Variants in XPNPEP2 observed in about 807,000 individuals in gnomAD.
The protein encoded by XPNPEP2 is xaa-Pro aminopeptidase 2.
Under a neutral mutation model 59.8 loss-of-function variants are expected in XPNPEP2, and 64 were observed. That is an observed-to-expected ratio of 1.07 (90% CI 0.87 to 1.32). XPNPEP2 has a LOEUF of 1.32. Among genes scored for constraint, XPNPEP2 ranks in the 40% most tolerant of loss-of-function variants. The pLI is 0.00. For missense variants in XPNPEP2, 575 were observed against 546.8 expected (o/e 1.05, Z -0.51); for synonymous variants, 235 against 210.0 (o/e 1.12, Z -1.03).
In XPNPEP2 at chrX:129,744,080, C is replaced by G. The variant is rs772993251; in HGVS notation, c.234+9C>G. 8.4e-7 allele frequency: 1 copy of G among 1,196,006 alleles called. No individual in the cohort carries two copies. Among genetic ancestry groups the G allele is most frequent in the Admixed American group, 2.2e-5 (1 of 45,992 alleles). On this transcript the variant is annotated intron_variant, in intron 3 of 20. Transcript: ENST00000371106. ...GCACAGATGCTCACATGGTAAGAGA[C>G]AGCTTCTCTCCCCCTTGCCCTCTCT...
At chrX:129,753,456 A>G (rs929555255) in intron 11 of XPNPEP2, among the ~76,000 whole-genome samples, 24 of 111,408 alleles carry the variant, frequency 2.2e-4, no homozygotes, top group Non-Finnish European at 1.5e-4. Context: ...CAGCCTGGCC[A>G]ACATGGTGAA....
intron 3 of XPNPEP2, 143 bp from the exon 4 acceptor site, chrX:129,745,060 G>A: frequency 1.6e-6 from 1 of 630,197 alleles, no homozygotes; most frequent in South Asian, 2.6e-5. Flanking sequence ...GGGCTTCCTG[G>A]AAGAGGCACT....
chrX:129,751,571 AAAGAAAGAAAGAAAGAAAGAAAGAAAGG>A (rs1569476550), intron 8 of XPNPEP2, among the ~76,000 whole-genome samples, 146 bp from the exon 9 acceptor site: 38 of 75,644 alleles, frequency 5.0e-4, no homozygotes, highest in African/African-American at 1.7e-3. Flanking sequence ...AGAAAGAAAG[AAAGAAAGAAAGAAAGAAAGAAAGAAAGG>A]AAGGAAGGAA....
At chrX:129,745,657 G>A (rs957275429) in intron 4 of XPNPEP2, among the ~76,000 whole-genome samples, 5 of 111,462 alleles carry the variant, frequency 4.5e-5, no homozygotes, top group Non-Finnish European at 9.4e-5. Flanking sequence ...GTTGTTTTAC[G>A]GACAACATCA....
chrX:129,760,559 C>T lies in XPNPEP2; in HGVS notation c.1476C>T (p.Leu492=), dbSNP rs1926637893. 4.1e-6 allele frequency: 5 copies of T among 1,212,230 alleles called. No homozygotes were observed. Among genetic ancestry groups the T allele is most frequent in the Non-Finnish European group, 5.6e-6 (5 of 895,579 alleles). The part of the protein sequence containing the change: ...VLIGNIDLSR[L]IFPAATSGRM... ...TAGGAAATATTGACCTGTCCAGGCT[C>T]ATCTTTCCCGCTGCTACATCAGGTG... The change falls in exon 16 of 21, where the codon CTC becomes CTT. Residue 492 remains leucine, a synonymous_variant. Coordinates refer to ENST00000371106, the MANE Select transcript of XPNPEP2 (RefSeq NM_003399.6).
rs779699125 is a variant in XPNPEP2 at position 129,742,071 on chromosome X, T to TCC, written c.50-34_50-33dup. 3.7e-5 allele frequency: 44 copies of TCC among 1,182,928 alleles called. No homozygotes were observed. The Admixed American group carries it at 9.7e-4, about 26-fold the overall frequency. ...CCTTCCCTCTCTAGGAACTAGCTGGTCCCCAAATGACCCTGGATTTTTCTC... is the reference window on the plus strand; with the variant it reads ...CCTTCCCTCTCTAGGAACTAGCTGGTCCCCCCAAATGACCCTGGATTTTTCTC... On this transcript the variant is annotated intron_variant, in intron 1 of 20. Coordinates refer to ENST00000371106, the MANE Select transcript of XPNPEP2 (RefSeq NM_003399.6).
intron 19 of XPNPEP2, among the ~76,000 whole-genome samples, chrX:129,763,028 T>C (rs1926686176): frequency 8.9e-6 from 1 of 112,156 alleles, no homozygotes; most frequent in South Asian, 3.7e-4. Flanking sequence ...TCAGTATCCC[T>C]GCCCTATATC....
At chrX:129,743,602 C>CAGGTAG (rs1407864105) in intron 2 of XPNPEP2, among the ~76,000 whole-genome samples, 1 of 112,200 alleles carries the variant, frequency 8.9e-6, no homozygotes, top group African/African-American at 3.2e-5. Context: ...GCAACCCTAC[C>CAGGTAG]CCCAGGTAGC....
chrX:129,742,943 C>T (rs771308432), intron 2 of XPNPEP2, among the ~76,000 whole-genome samples: 4 of 111,499 alleles, frequency 3.6e-5, no homozygotes, highest in African/African-American at 6.5e-5. Context: ...GAAGAGCCAA[C>T]GGAAGGGCAA....
intron 14 of XPNPEP2, among the ~76,000 whole-genome samples, chrX:129,757,213 A>C (rs934605514): frequency 1.9e-5 from 2 of 105,703 alleles, no homozygotes; most frequent in African/African-American, 6.9e-5. Context: ...GATTACAGAC[A>C]TGAGCCACCA....
At position 129,768,367 on chromosome X, in the gene XPNPEP2, A is replaced by C. The variant is rs1371965642; in HGVS notation, c.1907A>C (p.Glu636Ala). The C allele has an allele frequency of 4.1e-6, 5 of 1,207,580 alleles. No homozygotes were observed. The Admixed American group carries it at 1.1e-4, about 27-fold the overall frequency. The change falls in exon 21 of 21, where the codon GAG becomes GCG. Residue 636 changes from glutamate (E) to alanine (A), a missense_variant. Coordinates refer to ENST00000371106, the MANE Select transcript of XPNPEP2 (RefSeq NM_003399.6). The part of the protein sequence containing the change: ...GPELQRRQLL[E>A]EFEWLQQHTE... ...GAGCTGCAGAGGCGCCAGCTACTAG[A>C]GGAGTTCGAGTGGCTTCAACAGCAC...
chrX:129,742,617 G>A (rs758255405), intron 2 of XPNPEP2, among the ~76,000 whole-genome samples: 7 of 110,875 alleles, frequency 6.3e-5, no homozygotes, highest in East Asian at 5.7e-4. Context: ...AAGAGCCAAC[G>A]GAGGCCGAGC....
chrX:129,756,345 A>G, intron 13 of XPNPEP2, 139 bp from the exon 14 acceptor site: 1 of 561,894 alleles, frequency 1.8e-6, no homozygotes, highest in South Asian at 2.6e-5. Flanking sequence ...GTTCTCTTCC[A>G]GGGCCCTTTG....
intron 1 of XPNPEP2, among the ~76,000 whole-genome samples, chrX:129,740,006 G>A (rs898086966): frequency 1.8e-5 from 2 of 112,524 alleles, no homozygotes; most frequent in Admixed American, 1.9e-4. Flanking sequence ...CAGTTCCTGA[G>A]CACCTACCCA....
chrX:129,757,893 G>GAGAGAA (rs1556393924), intron 14 of XPNPEP2, among the ~76,000 whole-genome samples: 1 of 51,782 alleles, frequency 1.9e-5, no homozygotes, highest in Admixed American at 2.3e-4. Flanking sequence ...GAGAGAGAGA[G>GAGAGAA]AGAAAGAAAG....
At chrX:129,745,824 C>T (rs920180399) in intron 4 of XPNPEP2, among the ~76,000 whole-genome samples, 1 of 111,690 alleles carries the variant, frequency 9.0e-6, no homozygotes, top group Non-Finnish European at 1.9e-5. Flanking sequence ...TACCCTGCCT[C>T]GTGCCTCGTA....
In XPNPEP2 at chrX:129,751,049, C is replaced by T. The variant is rs933759430; in HGVS notation, c.739+480C>T. Among the ~76,000 whole-genome samples, 7 of 108,125 alleles carry T rather than the reference C, an allele frequency of 6.5e-5. No individual in the cohort carries two copies. In the Admixed American group the frequency reaches 6.9e-4, roughly 11 times the overall value. The allele number at this position is 108,125 out of a possible 115,157, so 93.9% of individuals were successfully genotyped here. A position where few individuals can be genotyped will look rare whatever the true frequency, so the allele number is the denominator to read the frequency against. ...CTGACTGCTAAGTATCTGCATTTTT[C>T]TGGGGGGAAAAGATCCATAACTCTC... On this transcript the variant is annotated intron_variant, in intron 8 of 20. Coordinates refer to ENST00000371106, the MANE Select transcript of XPNPEP2 (RefSeq NM_003399.6).
At chrX:129,757,073 T>TAAACACACACACAC (rs1556393420) in intron 14 of XPNPEP2, among the ~76,000 whole-genome samples, 1 of 83,688 alleles carries the variant, frequency 1.2e-5, no homozygotes, top group Non-Finnish European at 2.3e-5. Context: ...TACACACACA[T>TAAACACACACACAC]ACACACACAC....
At chrX:129,751,104 ACCC>A (rs59658989) in intron 8 of XPNPEP2, among the ~76,000 whole-genome samples, 949 of 44,919 alleles carry the variant, frequency 0.021, 21 homozygotes, top group African/African-American at 0.06. Context: ...CCACTCCCCC[ACCC>A]CCCCCCCCCG....
Sources: gnomAD v4.1 joint callset for allele counts (sites outside exome capture counted in the v4.1 genomes callset) on GRCh38, gnomAD v4.1.1 for gene constraint, MANE v1.5 for transcripts, NCBI Gene and HGNC (gene_info 2026-07-23, HGNC 2026-07-21) for gene names.